ARHGAP42: variants seen among roughly 807,000 people sequenced by gnomAD.
ARHGAP42 encodes Rho GTPase activating protein 42, also known as rho GTPase-activating protein 42.
A neutral mutation model predicts 125.0 loss-of-function variants in ARHGAP42; 63 were observed. That is an observed-to-expected ratio of 0.50 (90% confidence interval 0.41 to 0.62). The LOEUF is 0.62. Among genes scored for constraint, ARHGAP42 ranks in the 20% least tolerant of loss-of-function variants. ARHGAP42 has a pLI of 0.00. For missense variants in ARHGAP42, 766 were observed against 1,024.2 expected, an observed-to-expected ratio of 0.75 and a Z score of 3.44; for synonymous variants, 339 against 351.0, an observed-to-expected ratio of 0.97 and a Z score of 0.38.
chr11:100,687,828 G>A lies in ARHGAP42; in HGVS notation c.150G>A (p.Leu50=), dbSNP rs545336452. 91 of 1,547,838 alleles carry A rather than the reference G, an allele frequency of 5.9e-5. No homozygotes were observed. In the African/African-American group the frequency reaches 1.2e-3, roughly 20 times the overall value. Residue 50 remains leucine, a synonymous_variant, in exon 1 of 24, where the codon TTG becomes TTA. Coordinates refer to ENST00000298815, the MANE Select transcript of ARHGAP42 (RefSeq NM_152432.4). ...IKDGSLLIGA[L]RNLSMAVQKF... is the part of the protein sequence containing the mutation. ...ACGGCTCTCTGCTCATTGGGGCGTT[G>A]AGGAGTAAGTAGGGCTGGCGGGGGA...
At chr11:100,704,637 G>A (rs1252436471) in intron 1 of ARHGAP42, among the ~76,000 whole-genome samples, 1 of 150,710 alleles carries the variant, frequency 6.6e-6, no homozygotes, top group Non-Finnish European at 1.5e-5. Context: ...CAAGGATGCA[G>A]AAGCAAGATG....
intron 3 of ARHGAP42, among the ~76,000 whole-genome samples, chr11:100,804,569 G>C (rs1468845656): frequency 6.8e-6 from 1 of 147,562 alleles, no homozygotes; most frequent in African/African-American, 2.5e-5. Flanking sequence ...TTTTTAGTCA[G>C]AGTCTCGCAC....
chr11:100,832,620 C>G (rs1288567901), intron 3 of ARHGAP42, among the ~76,000 whole-genome samples: 2 of 152,064 alleles, frequency 1.3e-5, no homozygotes, highest in African/African-American at 4.8e-5. Context: ...AGTGTGTTTA[C>G]CAAAATGTCA....
intron 1 of ARHGAP42, among the ~76,000 whole-genome samples, chr11:100,752,260 G>A (rs1301110294): frequency 6.6e-6 from 1 of 152,168 alleles, no homozygotes; most frequent in Admixed American, 6.6e-5. Context: ...AGTGAGAGAA[G>A]CCCCAGTTAT....
At chr11:100,776,385 T>C (rs140627831) in intron 2 of ARHGAP42, among the ~76,000 whole-genome samples, 3 of 152,150 alleles carry the variant, frequency 2.0e-5, no homozygotes, top group African/African-American at 7.2e-5. Flanking sequence ...GATTAAACAT[T>C]TACCAAGAAG....
intron 2 of ARHGAP42, among the ~76,000 whole-genome samples, chr11:100,785,042 G>A (rs1299277061): frequency 1.3e-5 from 2 of 152,108 alleles, no homozygotes; most frequent in African/African-American, 4.8e-5. Context: ...CATTAGGATA[G>A]TAGGGCCCTT....
intron 1 of ARHGAP42, among the ~76,000 whole-genome samples, chr11:100,721,340 T>C (rs1459222948): frequency 6.6e-6 from 1 of 152,220 alleles, no homozygotes; most frequent in Non-Finnish European, 1.5e-5. Flanking sequence ...TCGTTTTGCC[T>C]TTCCCAGAAT....
intron 5 of ARHGAP42, among the ~76,000 whole-genome samples, chr11:100,920,467 G>T (rs894027518): frequency 6.6e-6 from 1 of 151,670 alleles, no homozygotes; most frequent in African/African-American, 2.4e-5. Context: ...CATTATAAAT[G>T]GCTTCAAGTT....
intron 10 of ARHGAP42, among the ~76,000 whole-genome samples, chr11:100,945,307 TC>T (rs1365790860): frequency 1.4e-5 from 2 of 140,536 alleles, no homozygotes; most frequent in African/African-American, 5.3e-5. Context: ...CTTGAACCCC[TC>T]CAACTCATCC....
At chr11:100,724,349 G>T (rs1861818356) in intron 1 of ARHGAP42, among the ~76,000 whole-genome samples, 1 of 152,052 alleles carries the variant, frequency 6.6e-6, no homozygotes, top group South Asian at 2.1e-4. Flanking sequence ...GAGTTAGCAA[G>T]CATTATTTTT....
intron 4 of ARHGAP42, among the ~76,000 whole-genome samples, chr11:100,860,333 T>C (rs1208369127): frequency 3.3e-5 from 5 of 152,102 alleles, no homozygotes; most frequent in Admixed American, 1.3e-4. Context: ...TCCTTTCCTC[T>C]TTACGTCTGT....
intron 3 of ARHGAP42, among the ~76,000 whole-genome samples, chr11:100,858,150 G>T (rs1029070251): frequency 1.4e-5 from 2 of 148,020 alleles, no homozygotes; most frequent in African/African-American, 5.0e-5. Context: ...TTTAATGAGG[G>T]CATAGAGGTT....
chr11:100,974,968 C>T (rs1858350447), intron 19 of ARHGAP42, among the ~76,000 whole-genome samples: 1 of 152,054 alleles, frequency 6.6e-6, no homozygotes, highest in Admixed American at 6.6e-5. Context: ...ACATTATGTT[C>T]TTAAAGCATT....
chr11:100,770,244 A>G, intron 1 of ARHGAP42, 99 bp from the exon 2 acceptor site: 1 of 811,708 alleles, frequency 1.2e-6, no homozygotes, highest in Non-Finnish European at 1.9e-6. Context: ...TCTGGTTCAT[A>G]TAATACAAAA....
intron 1 of ARHGAP42, among the ~76,000 whole-genome samples, chr11:100,748,278 T>G (rs112569357): frequency 0.027 from 4,119 of 152,298 alleles, 73 homozygotes; most frequent in Non-Finnish European, 0.032. Flanking sequence ...GCTCGCAGGT[T>G]TGAGCAGGCC....
At chr11:100,718,175 A>G (rs1380355106) in intron 1 of ARHGAP42, among the ~76,000 whole-genome samples, 2 of 152,180 alleles carry the variant, frequency 1.3e-5, no homozygotes, top group Non-Finnish European at 2.9e-5. Flanking sequence ...TGTGGGACAG[A>G]TCACTTGGAG....
chr11:100,726,361 T>C (rs1029120782), intron 1 of ARHGAP42, among the ~76,000 whole-genome samples: 1 of 152,156 alleles, frequency 6.6e-6, no homozygotes, highest in Non-Finnish European at 1.5e-5. Context: ...ATAATTGAGA[T>C]AATGGAAGTA....
chr11:100,764,440 G>A (rs1462550601), intron 1 of ARHGAP42, among the ~76,000 whole-genome samples: 1 of 152,164 alleles, frequency 6.6e-6, no homozygotes, highest in East Asian at 1.9e-4. Context: ...TTAGACTCCA[G>A]GCAAGTTATT....
intron 1 of ARHGAP42, among the ~76,000 whole-genome samples, chr11:100,758,477 G>C (rs1862625886): frequency 6.6e-6 from 1 of 152,208 alleles, no homozygotes; most frequent in Non-Finnish European, 1.5e-5. Context: ...AATACGGACA[G>C]TTTGACTGTG....
Sources: allele counts gnomAD v4.1 joint callset (sites outside exome capture counted in the v4.1 genomes callset), GRCh38; gene constraint gnomAD v4.1.1; transcripts MANE v1.5; gene names NCBI Gene and HGNC (gene_info 2026-07-23, HGNC 2026-07-21).